Variants in OTUD7B observed in about 807,000 individuals in gnomAD.
OTUD7B encodes the protein OTU deubiquitinase 7B.
Under a neutral mutation model 82.2 loss-of-function variants are expected in OTUD7B, and 34 were observed. The ratio of observed to expected loss-of-function variants is 0.41; its 90% CI spans 0.31 to 0.55. The LOEUF (loss-of-function observed/expected upper bound fraction) is 0.55. Ranked by LOEUF, OTUD7B falls within the 20% of genes least tolerant of loss-of-function variation. The pLI is 0.20. For missense variants in OTUD7B, 944 were observed against 1,062.1 expected (o/e 0.89, Z 1.55); for synonymous variants, 398 against 402.7 (o/e 0.99, Z 0.14).
intron 4 of OTUD7B, 70 bp downstream of exon 4, chr1:149,967,224 A>G: frequency 9.1e-7 from 1 of 1,092,958 alleles, no homozygotes; most frequent in Non-Finnish European, 1.4e-6. Context: ...GATCAAGTCC[A>G]GCCCCTCCAC....
At chr1:150,047,228 T>C in the OTUD7B span, among the ~76,000 whole-genome samples, 8 of 152,330 alleles carry the variant, frequency 5.3e-5, no homozygotes, top group Admixed American at 3.3e-4. Flanking sequence ...CTCTTTCCTT[T>C]ATCCAAAAAA....
the OTUD7B span, among the ~76,000 whole-genome samples, chr1:150,040,602 C>T: frequency 1.3e-5 from 2 of 152,038 alleles, no homozygotes; most frequent in Admixed American, 6.6e-5. Flanking sequence ...GCAAATGTCT[C>T]ATTATTTTCT....
At chr1:150,005,036 T>A (rs1236754599) in intron 1 of OTUD7B, among the ~76,000 whole-genome samples, 2 of 151,932 alleles carry the variant, frequency 1.3e-5, no homozygotes, top group Non-Finnish European at 2.9e-5. Flanking sequence ...CCTATTTTTT[T>A]ATTAAGATCT....
the OTUD7B span, among the ~76,000 whole-genome samples, chr1:150,023,398 TCAG>T: frequency 6.6e-6 from 1 of 152,148 alleles, no homozygotes; most frequent in Non-Finnish European, 1.5e-5. Flanking sequence ...TAAATGTCCA[TCAG>T]CATATAAACA....
Position 149,949,712 on chromosome 1 carries a change from C to T in OTUD7B, c.1040G>A (p.Arg347His), listed in dbSNP as rs890760084. Residue 347 changes from arginine (R) to histidine (H), a missense_variant, in exon 9 of 12, where the codon CGC becomes CAC. Around this residue, in one of 3 missense-constraint regions of OTUD7B, gnomAD observed 530 missense variants for 625.6 expected, o/e 0.85. Transcript: ENST00000581312. The stretch of plus-strand genomic sequence containing the variant: ...ATCATAGGCGAGCACCAGAGGGGAG[C>T]GGTGACACTGGCTGGCTGGGACCTC... ...PLEVPASQCH[R>H]SPLVLAYDQA... 8.1e-6 allele frequency: 13 copies of T among 1,613,954 alleles called. No individual in the cohort carries two copies. Among genetic ancestry groups the T allele is most frequent in the Admixed American group, 3.3e-5 (2 of 59,998 alleles).
At chr1:149,976,799 T>C (rs918233618) in intron 2 of OTUD7B, among the ~76,000 whole-genome samples, 8 of 151,882 alleles carry the variant, frequency 5.3e-5, no homozygotes, top group Non-Finnish European at 7.4e-5. Context: ...GTCACTTCTA[T>C]ATAAAGAGGA....
chr1:150,064,121 C>T, the OTUD7B span, among the ~76,000 whole-genome samples: 1 of 152,038 alleles, frequency 6.6e-6, no homozygotes, highest in Non-Finnish European at 1.5e-5. Context: ...ACATGTTTAC[C>T]TTTTGATTTC....
upstream of OTUD7B, among the ~76,000 whole-genome samples, chr1:150,010,886 G>C (rs1653003987): frequency 1.3e-5 from 2 of 152,128 alleles, no homozygotes; most frequent in African/African-American, 4.8e-5. Context: ...CTTGCCCCGC[G>C]CGTGACCCCG....
At chr1:150,016,087 T>C in the OTUD7B span, among the ~76,000 whole-genome samples, 13 of 152,238 alleles carry the variant, frequency 8.5e-5, no homozygotes, top group South Asian at 2.1e-4. Flanking sequence ...TTTGGTGCCC[T>C]GCTGAATTAA....
chr1:150,039,001 T>A, the OTUD7B span, among the ~76,000 whole-genome samples: 1 of 151,198 alleles, frequency 6.6e-6, no homozygotes, highest in Admixed American at 6.6e-5. Context: ...ATGTAATCTT[T>A]ATTATTAAGT....
the OTUD7B span, among the ~76,000 whole-genome samples, chr1:150,060,263 A>C: frequency 5.3e-5 from 8 of 152,224 alleles, no homozygotes; most frequent in Admixed American, 1.3e-4. Context: ...CCTGACCTTC[A>C]GTATCTCTGT....
At chr1:149,954,913 T>G (rs1438034497) in intron 7 of OTUD7B, among the ~76,000 whole-genome samples, 9 of 152,216 alleles carry the variant, frequency 5.9e-5, no homozygotes, top group Admixed American at 3.3e-4. Context: ...TTTTATTGTG[T>G]CTATTTGATT....
In OTUD7B at chr1:149,976,633, A is replaced by AAAAAAAAAAAAT. The variant is rs1176193849; in HGVS notation, c.85+792_85+793insATTTTTTTTTTT. 1.2e-4 allele frequency among the ~76,000 whole-genome samples: 12 copies of AAAAAAAAAAAAT among 102,646 alleles called. 1 individual carries two copies. The highest frequency in any genetic ancestry group is 1.5e-4 in the African/African-American group (4 of 26,114). 67.3% of individuals were successfully genotyped at this position (102,646 alleles called of 152,430 possible). A position where few individuals can be genotyped will look rare whatever the true frequency, so the allele number is the denominator to read the frequency against. On this transcript the variant is annotated intron_variant, in intron 2 of 11. Transcript: ENST00000581312. Reference sequence around the variant, plus strand: ...TCTACAAAAAAAAAAAAAAAAAAATACTAGAACATTCAAACTTATGTGTAT... The same window carrying AAAAAAAAAAAAT: ...TCTACAAAAAAAAAAAAAAAAAAATAAAAAAAAAAAATCTAGAACATTCAAACTTATGTGTAT...
At chr1:150,056,444 A>T in the OTUD7B span, among the ~76,000 whole-genome samples, 2 of 152,234 alleles carry the variant, frequency 1.3e-5, no homozygotes, top group African/African-American at 4.8e-5. Flanking sequence ...ACTTATAAAC[A>T]GTAAAACTAA....
upstream of OTUD7B, among the ~76,000 whole-genome samples, chr1:150,013,488 T>A (rs1178094308): frequency 6.6e-6 from 1 of 152,150 alleles, no homozygotes. Context: ...ATAACTTCCT[T>A]TCCACCGCCA....
the OTUD7B span, among the ~76,000 whole-genome samples, chr1:150,044,184 A>G: frequency 1.4e-5 from 2 of 139,898 alleles, no homozygotes; most frequent in Non-Finnish European, 3.0e-5. Flanking sequence ...ATTTTTTTCA[A>G]ATTTAAGAGT....
At chr1:150,007,713 T>G (rs1217313149) in intron 1 of OTUD7B, among the ~76,000 whole-genome samples, 3 of 152,200 alleles carry the variant, frequency 2.0e-5, no homozygotes, top group Non-Finnish European at 4.4e-5. Flanking sequence ...TCTCTTCTAT[T>G]ATATTAAAAA....
Position 149,939,988 on chromosome 1 carries a change from G to A in OTUD7B, c.*3869C>T, listed in dbSNP as rs1379395222. On this transcript the variant is annotated 3_prime_UTR_variant, in exon 12 of 12. Coordinates refer to ENST00000581312, the MANE Select transcript of OTUD7B (RefSeq NM_020205.4). The stretch of plus-strand genomic sequence containing the variant: ...AAGAAAGAAGACTCAGAGTCCAGAG[G>A]TGTCTGAGTAATTCAGAGACAATCA... 8 of 151,978 alleles carry A rather than the reference G, an allele frequency of 5.3e-5. No homozygotes were observed. The highest frequency in any genetic ancestry group is 7.3e-5 in the African/African-American group (3 of 41,362). The allele number at this position is 151,978 out of a possible 1,614,324, so 9.4% of individuals were successfully genotyped here.
At chr1:150,036,244 G>A in the OTUD7B span, among the ~76,000 whole-genome samples, 6 of 147,696 alleles carry the variant, frequency 4.1e-5, 1 homozygote, top group East Asian at 4.0e-4. Flanking sequence ...AAGAGCCACC[G>A]TGCCCAGTTC....
Sources: gnomAD v4.1 joint callset for allele counts (sites outside exome capture counted in the v4.1 genomes callset) on GRCh38, gnomAD v4.1.1 for gene constraint, gnomAD v4.1.1 regional missense constraint, MANE v1.5 for transcripts, NCBI Gene and HGNC (gene_info 2026-07-23, HGNC 2026-07-21) for gene names.